CYGB: variants seen among roughly 807,000 people sequenced by gnomAD.
The protein encoded by CYGB is cytoglobin.
Under a neutral mutation model 20.7 loss-of-function variants are expected in CYGB, and 13 were observed. That is an observed-to-expected ratio of 0.63 (90% CI 0.41 to 1.00). The LOEUF is 1.00. CYGB is among the 50% of genes least tolerant of loss of function. The probability of loss-of-function intolerance (pLI) is 0.00; values close to 1 mark genes in which losing one functional copy is unlikely to be tolerated. For synonymous variants in CYGB, 93 were observed against 107.4 expected (o/e 0.87, Z 0.83); for missense variants, 218 against 257.2 (o/e 0.85, Z 1.04).
At chr17:76,541,358 C>T (rs562342823), upstream of CYGB, among the ~76,000 whole-genome samples, 34 of 152,250 alleles carry the variant, frequency 2.2e-4, no homozygotes, top group Non-Finnish European at 4.3e-4. Flanking sequence ...AAAAAAGATC[C>T]GATGACATCT....
chr17:76,537,277 G>C lies in CYGB; in HGVS notation c.143+123C>G, dbSNP rs371264605. On this transcript the variant is annotated intron_variant, in intron 1 of 3. Transcript: ENST00000293230. ...CCACGCCGCCTGCTCCGCCGACCTC[G>C]GACCGGCCCCATTCGCGGCTGGGGA... 24 of 1,165,876 alleles carry C rather than the reference G, an allele frequency of 2.1e-5. No individual in the cohort carries two copies. In the East Asian group the frequency reaches 2.7e-4, roughly 13 times the overall value. 72.2% of individuals were successfully genotyped at this position (1,165,876 alleles called of 1,614,324 possible).
At chr17:76,539,796 G>A (rs1258619572), upstream of CYGB, among the ~76,000 whole-genome samples, 3 of 152,152 alleles carry the variant, frequency 2.0e-5, no homozygotes, top group Non-Finnish European at 4.4e-5. Context: ...TAACTCCTGG[G>A]TCACTCTACT....
At chr17:76,540,260 G>GA (rs1413444581), upstream of CYGB, 3 of 933,110 alleles carry the variant, frequency 3.2e-6, no homozygotes, top group Non-Finnish European at 5.1e-6. This position sits in a 1 kb window ranked among gnomAD's most constrained non-coding sequence, Gnocchi z 5.0. Flanking sequence ...TCGGGGGGGG[G>GA]GGGCATGGGG....
At position 76,537,498 on chromosome 17, in the gene CYGB, C is replaced by T; in HGVS notation, c.45G>A (p.Arg15=). The part of the protein sequence containing the change: ...PGEMEIERRE[R]SEELSEAERK... ...TCTCCGCCTCGGACAGCTCCTCGCT[C>T]CGCTCCCTGCGCTCGATCTCCATCT... The change falls in exon 1 of 4, where the codon CGG becomes CGA. Residue 15 remains arginine (R), a synonymous_variant. Coordinates refer to ENST00000293230, the MANE Select transcript of CYGB (RefSeq NM_134268.5). 1 of 1,582,096 alleles carries T rather than the reference C, an allele frequency of 6.3e-7. No homozygotes were observed. The highest frequency in any genetic ancestry group is 8.6e-7 in the Non-Finnish European group (1 of 1,165,796).
chr17:76,539,472 T>C (rs1490056100), upstream of CYGB, among the ~76,000 whole-genome samples: 4 of 152,184 alleles, frequency 2.6e-5, no homozygotes, highest in East Asian at 1.9e-4. Context: ...TCAGAAAAGT[T>C]TGGAGAGGAT....
At chr17:76,540,025 C>T, upstream of CYGB, 1 of 1,101,616 alleles carries the variant, frequency 9.1e-7, no homozygotes. This position sits in a 1 kb window ranked among gnomAD's most constrained non-coding sequence, Gnocchi z 5.0. Flanking sequence ...TAATCCATCC[C>T]CAGCAGGAAC....
intron 1 of CYGB, chr17:76,544,560 G>A (rs755211458): frequency 6.6e-6 from 3 of 456,558 alleles, no homozygotes; most frequent in African/African-American, 2.0e-5. Context: ...TAGGGAAGGA[G>A]CCTGCAGAGG....
Position 76,544,836 on chromosome 17 carries a change from G to A in CYGB, c.-53+6026C>T, listed in dbSNP as rs568033840. 3.5e-3 allele frequency: 1,618 copies of A among 456,812 alleles called. 8 individuals carry two copies. Among genetic ancestry groups the A allele is most frequent in the African/African-American group, 0.014 (726 of 50,218 alleles). 28.3% of individuals were successfully genotyped at this position (456,812 alleles called of 1,614,324 possible). A position where few individuals can be genotyped will look rare whatever the true frequency, so the allele number is the denominator to read the frequency against. On this transcript the variant is annotated intron_variant, in intron 1 of 3. Transcript: ENST00000589145. The stretch of plus-strand genomic sequence containing the variant: ...CTTCCACTGGTCTGAGGAATTGTCA[G>A]GCCAAGGTCATGGAGCTGGCTCACG...
At chr17:76,529,041 T>TGGGGGGGGGGGGGGGG in intron 3 of CYGB, 16 of 834,182 alleles carry the variant, frequency 1.9e-5, no homozygotes, top group African/African-American at 6.5e-5. Flanking sequence ...CTGCAGTCAT[T>TGGGGGGGGGGGGGGGG]GCGCCCCCCC....
chr17:76,537,505 C>T lies in CYGB; in HGVS notation c.38G>A (p.Arg13Lys). Residue 13 changes from arginine to lysine, a missense_variant, in exon 1 of 4, where the codon AGG (arginine) becomes AAG (lysine). This residue lies in a region of CYGB where 152 missense variants were observed against 149.9 expected (regional missense o/e 1.01). Transcript: ENST00000293230. ...KVPGEMEIER[R>K]ERSEELSEAE... ...CTCGGACAGCTCCTCGCTCCGCTCCCTGCGCTCGATCTCCATCTCGCCTGG... is the reference window on the plus strand; with the variant it reads ...CTCGGACAGCTCCTCGCTCCGCTCCTTGCGCTCGATCTCCATCTCGCCTGG... The T allele has an allele frequency of 1.9e-6, 3 of 1,578,824 alleles. No homozygotes were observed. The highest frequency in any genetic ancestry group is 2.6e-6 in the Non-Finnish European group (3 of 1,164,452).
chr17:76,546,942 C>T lies in CYGB; in HGVS notation c.-53+3920G>A, dbSNP rs901452925. 5 of 152,180 alleles carry T rather than the reference C, an allele frequency of 3.3e-5. No homozygotes were observed. The highest frequency in any genetic ancestry group is 6.5e-5 in the Admixed American group (1 of 15,274). 9.4% of individuals were successfully genotyped at this position (152,180 alleles called of 1,614,324 possible). A position where few individuals can be genotyped will look rare whatever the true frequency, so the allele number is the denominator to read the frequency against. On this transcript the variant is annotated intron_variant, in intron 1 of 3. Transcript: ENST00000589145. This position sits in a 1 kb window ranked among gnomAD's most constrained non-coding sequence, Gnocchi z 4.5. ...GACCTGAGCCTGGGAAATCTGACACCAAAGCTTGGGATAGAGGGGGCCCAA... is the reference window on the plus strand; with the variant it reads ...GACCTGAGCCTGGGAAATCTGACACTAAAGCTTGGGATAGAGGGGGCCCAA...
upstream of CYGB, chr17:76,538,365 T>C: frequency 2.9e-6 from 1 of 350,166 alleles, no homozygotes. Context: ...CCGCCCCGGC[T>C]GTCGGAACTT....
rs962918288 is a variant in CYGB, at chr17:76,533,274, C to T, written c.144-1583G>A. ...AGGGCAAGAGGAGGGCCCCCGCTCA[C>T]TGCTTCATGGATACACGGGTGAGGA... On this transcript the variant is annotated intron_variant, in intron 1 of 3. Transcript: ENST00000293230. The surrounding 1 kb of genome is among the most constrained non-coding windows in gnomAD (Gnocchi z 4.5). Among the ~76,000 whole-genome samples the T allele has an allele frequency of 2.6e-5, 4 of 152,212 alleles. No homozygotes were observed. Among genetic ancestry groups the T allele is most frequent in the Non-Finnish European group, 5.9e-5 (4 of 68,044 alleles).
intron 1 of CYGB, among the ~76,000 whole-genome samples, chr17:76,548,412 C>G (rs551548740): frequency 6.6e-6 from 1 of 152,314 alleles, no homozygotes; most frequent in Non-Finnish European, 1.5e-5. Flanking sequence ...TCCTGGGAAC[C>G]TGCAATGTAC....
chr17:76,549,555 A>C (rs1399020070), intron 1 of CYGB, among the ~76,000 whole-genome samples: 4 of 152,236 alleles, frequency 2.6e-5, no homozygotes, highest in Admixed American at 2.6e-4. Context: ...TTGGGAAACC[A>C]GCATGGTGGT....
At chr17:76,545,801 A>C (rs895156) in intron 1 of CYGB, 137,516 of 201,754 alleles carry the variant, frequency 0.68, 49,941 homozygotes, top group East Asian at 0.88. Flanking sequence ...ATCCGGTTTG[A>C]ACTGTAAATT....
At chr17:76,543,922 A>G in intron 1 of CYGB, 1 of 470,624 alleles carries the variant, frequency 2.1e-6, no homozygotes, top group Non-Finnish European at 4.4e-6. Context: ...TGTCCTCCGA[A>G]TGTGTTTTCT....
intron 1 of CYGB, chr17:76,543,776 G>A (rs868115502): frequency 1.9e-5 from 9 of 470,448 alleles, no homozygotes; most frequent in East Asian, 6.9e-5. Flanking sequence ...AGTGGCACTC[G>A]CTTTTGTGTC....
chr17:76,532,789 A>G (rs1466109857), intron 1 of CYGB, among the ~76,000 whole-genome samples: 7 of 152,088 alleles, frequency 4.6e-5, no homozygotes, highest in Non-Finnish European at 7.4e-5. Context: ...CGCCTGCCTC[A>G]GCCTCCCAAA....
Sources: allele counts gnomAD v4.1 joint callset (sites outside exome capture counted in the v4.1 genomes callset), GRCh38; gene constraint gnomAD v4.1.1; regional missense constraint gnomAD v4.1.1; non-coding constraint Gnocchi (gnomAD v3.1); transcripts MANE v1.5; gene names NCBI Gene and HGNC (gene_info 2026-07-23, HGNC 2026-07-21).